The following ACOXL variants were observed in gnomAD, a reference collection of about 807,000 sequenced individuals.
ACOXL encodes acyl-coenzyme A oxidase-like protein.
A neutral mutation model predicts 71.9 loss-of-function variants in ACOXL; 70 were observed. That is an observed-to-expected ratio of 0.97 (90% CI 0.80 to 1.19). The LOEUF (loss-of-function observed/expected upper bound fraction) is 1.19. Ranked by LOEUF, ACOXL falls within the 50% of genes most tolerant of loss-of-function variation. The pLI is 0.00. For missense variants in ACOXL, 703 were observed against 736.3 expected (o/e 0.95, Z 0.52); for synonymous variants, 253 against 281.6 (o/e 0.90, Z 1.02).
chr2:110,961,213 C>G (rs1219778777), intron 12 of ACOXL, among the ~76,000 whole-genome samples: 1 of 152,222 alleles, frequency 6.6e-6, no homozygotes, highest in Admixed American at 6.5e-5. Context: ...CCTCAGTTCT[C>G]AAGGGCCAGG....
intron 10 of ACOXL, among the ~76,000 whole-genome samples, chr2:110,846,636 T>TACACACAC (rs1452445738): frequency 3.3e-4 from 15 of 44,888 alleles, no homozygotes; most frequent in Admixed American, 2.6e-3. Context: ...CAAGTATGCA[T>TACACACAC]ACACGCACAC....
At chr2:110,793,453 A>G (rs1265013341) in intron 3 of ACOXL, among the ~76,000 whole-genome samples, 197 bp from the exon 4 acceptor site, 1 of 152,202 alleles carries the variant, frequency 6.6e-6, no homozygotes, top group Non-Finnish European at 1.5e-5. Context: ...TGAGCGACTC[A>G]TGAGCCATGT....
chr2:110,746,590 G>T (rs368704378), intron 1 of ACOXL, among the ~76,000 whole-genome samples: 1 of 152,110 alleles, frequency 6.6e-6, no homozygotes, highest in Non-Finnish European at 1.5e-5. Context: ...CATGTACGTC[G>T]AATGGATTTG....
intron 12 of ACOXL, among the ~76,000 whole-genome samples, chr2:110,970,764 T>A (rs1434671203): frequency 6.6e-6 from 1 of 152,194 alleles, no homozygotes; most frequent in Non-Finnish European, 1.5e-5. Flanking sequence ...TAATTGGACA[T>A]CCACAGGCAA....
chr2:111,044,406 G>T (rs1310998321), intron 15 of ACOXL, among the ~76,000 whole-genome samples: 1 of 152,246 alleles, frequency 6.6e-6, no homozygotes, highest in Admixed American at 6.5e-5. Context: ...GCAAGTTCCA[G>T]GTGGGCAGTA....
chr2:110,889,163 C>T (rs1042527468), intron 10 of ACOXL, among the ~76,000 whole-genome samples: 1 of 152,172 alleles, frequency 6.6e-6, no homozygotes, highest in African/African-American at 2.4e-5. Context: ...TGTATAGAAC[C>T]TACTAGCACT....
intron 1 of ACOXL, among the ~76,000 whole-genome samples, chr2:110,736,922 C>T (rs183825578): frequency 3.9e-5 from 6 of 152,278 alleles, no homozygotes; most frequent in African/African-American, 1.4e-4. Flanking sequence ...GCCTGGCCTA[C>T]ATTTTGATCA....
At chr2:110,737,380 A>G (rs1007182999) in intron 1 of ACOXL, among the ~76,000 whole-genome samples, 5 of 152,328 alleles carry the variant, frequency 3.3e-5, no homozygotes, top group African/African-American at 1.2e-4. Flanking sequence ...TTCTCACTAC[A>G]GCACCATTTT....
At chr2:111,047,781 G>C (rs1012541176) in intron 15 of ACOXL, among the ~76,000 whole-genome samples, 5 of 152,232 alleles carry the variant, frequency 3.3e-5, no homozygotes, top group African/African-American at 9.6e-5. Context: ...GCCAATTGAA[G>C]ACTGGGTGGG....
At chr2:110,889,202 G>A (rs1697660582) in intron 10 of ACOXL, among the ~76,000 whole-genome samples, 1 of 152,198 alleles carries the variant, frequency 6.6e-6, no homozygotes, top group Admixed American at 6.5e-5. Context: ...AGTGCACAAA[G>A]TGCCACATGG....
chr2:111,103,758 T>A (rs1351716492), intron 17 of ACOXL, among the ~76,000 whole-genome samples: 1 of 150,730 alleles, frequency 6.6e-6, no homozygotes, highest in Non-Finnish European at 1.5e-5. Flanking sequence ...TGAAAGTTAT[T>A]CTGTGATTTT....
intron 10 of ACOXL, among the ~76,000 whole-genome samples, chr2:110,905,925 T>C (rs912456706): frequency 1.3e-5 from 2 of 152,174 alleles, no homozygotes; most frequent in African/African-American, 4.8e-5. Context: ...GCCTGCCACA[T>C]GGAGCCTTGG....
chr2:110,822,783 C>T (rs1688766654), intron 9 of ACOXL, among the ~76,000 whole-genome samples: 1 of 152,174 alleles, frequency 6.6e-6, no homozygotes, highest in African/African-American at 2.4e-5. Context: ...AGCTTCACCA[C>T]CCCCAAATAA....
intron 16 of ACOXL, among the ~76,000 whole-genome samples, chr2:111,058,682 A>G (rs983499448): frequency 1.3e-5 from 2 of 152,206 alleles, no homozygotes; most frequent in Non-Finnish European, 2.9e-5. Context: ...ACCATAGATA[A>G]AAACTTTGAG....
At chr2:110,747,883 C>A (rs1057488231) in intron 1 of ACOXL, among the ~76,000 whole-genome samples, 1 of 152,174 alleles carries the variant, frequency 6.6e-6, no homozygotes, top group African/African-American at 2.4e-5. Flanking sequence ...CACCTCCTCC[C>A]CATTCTCTCC....
At chr2:111,049,177 G>A (rs374505085) in intron 15 of ACOXL, 41 bp from the exon 16 acceptor site, 159 of 1,478,082 alleles carry the variant, frequency 1.1e-4, no homozygotes, top group South Asian at 6.2e-4. Context: ...GCTCTGAGGC[G>A]GAAGTGAAGT....
chr2:110,870,201 C>T (rs1199859786), intron 10 of ACOXL, among the ~76,000 whole-genome samples: 6 of 152,248 alleles, frequency 3.9e-5, no homozygotes, highest in Admixed American at 2.6e-4. Flanking sequence ...AGCAGCCACT[C>T]AGGCCACTGC....
chr2:110,769,753 T>C (rs943128167), intron 2 of ACOXL, among the ~76,000 whole-genome samples: 1 of 152,186 alleles, frequency 6.6e-6, no homozygotes, highest in Admixed American at 6.5e-5. Context: ...GAGAATCCCT[T>C]GAACCAGGAG....
intron 16 of ACOXL, among the ~76,000 whole-genome samples, chr2:111,090,859 A>C (rs778483228): frequency 8.6e-5 from 13 of 152,010 alleles, no homozygotes; most frequent in Non-Finnish European, 1.6e-4. Context: ...ACTCTTCTCT[A>C]CCCTGTGTGG....
Sources: gnomAD v4.1 joint callset for allele counts (sites outside exome capture counted in the v4.1 genomes callset) on GRCh38, gnomAD v4.1.1 for gene constraint, MANE v1.5 for transcripts, NCBI Gene and HGNC (gene_info 2026-07-23, HGNC 2026-07-21) for gene names.